The following SPOCK1 variants were observed in gnomAD, a reference collection of about 807,000 sequenced individuals.
SPOCK1 encodes testican-1.
SPOCK1 carries 23 observed loss-of-function variants against 55.3 expected under a neutral mutation model. The observed-to-expected ratio is 0.42, with a 90% CI of 0.30 to 0.59. SPOCK1 has a LOEUF of 0.59. SPOCK1 is among the 20% of genes least tolerant of loss of function. The probability of loss-of-function intolerance (pLI) is 0.22; values close to 1 mark genes in which losing one functional copy is unlikely to be tolerated. For synonymous variants in SPOCK1, 226 were observed against 221.0 expected (o/e 1.02, Z -0.20); for missense variants, 499 against 552.5 (o/e 0.90, Z 0.97).
At chr5:137,409,761 G>C (rs1032314425) in intron 2 of SPOCK1, among the ~76,000 whole-genome samples, 3 of 152,186 alleles carry the variant, frequency 2.0e-5, no homozygotes, top group African/African-American at 7.2e-5. Context: ...CTATGTTTCT[G>C]TTAGGTTAGA....
intron 3 of SPOCK1, among the ~76,000 whole-genome samples, chr5:137,265,345 C>A (rs1347021588): frequency 6.6e-6 from 1 of 152,158 alleles, no homozygotes; most frequent in Non-Finnish European, 1.5e-5. Context: ...AACATTTGAT[C>A]CTTATAGCAC....
At chr5:137,490,728 T>C (rs1434325871) in intron 2 of SPOCK1, among the ~76,000 whole-genome samples, 1 of 152,188 alleles carries the variant, frequency 6.6e-6, no homozygotes. Context: ...CCCCTCCCAG[T>C]TACGTCATGA....
intron 7 of SPOCK1, among the ~76,000 whole-genome samples, chr5:136,991,434 A>G (rs915330280): frequency 1.3e-5 from 2 of 152,162 alleles, no homozygotes; most frequent in Admixed American, 1.3e-4. Context: ...AGCCAAAAAT[A>G]ACTAAAAATT....
At chr5:137,365,413 A>C (rs1335514630) in intron 2 of SPOCK1, 1 of 152,188 alleles carries the variant, frequency 6.6e-6, no homozygotes, top group South Asian at 2.1e-4. Context: ...GGAATTCTAG[A>C]GTCTACTCCA....
At chr5:137,172,130 A>T (rs969762377) in intron 3 of SPOCK1, among the ~76,000 whole-genome samples, 7 of 152,132 alleles carry the variant, frequency 4.6e-5, no homozygotes, top group African/African-American at 1.7e-4. Context: ...TCAACACCCA[A>T]CTCACAACAT....
intron 2 of SPOCK1, among the ~76,000 whole-genome samples, chr5:137,487,802 T>C (rs1433962580): frequency 6.6e-6 from 1 of 152,202 alleles, no homozygotes; most frequent in African/African-American, 2.4e-5. Flanking sequence ...CAAATGTTAT[T>C]CCATTCCAGG....
At chr5:137,273,148 G>A (rs970418366) in intron 2 of SPOCK1, among the ~76,000 whole-genome samples, 25 of 152,140 alleles carry the variant, frequency 1.6e-4, no homozygotes, top group African/African-American at 5.3e-4. Flanking sequence ...AATCATACTT[G>A]TACTGTAACT....
At chr5:137,321,315 T>C (rs181830001) in intron 2 of SPOCK1, among the ~76,000 whole-genome samples, 1 of 151,292 alleles carries the variant, frequency 6.6e-6, no homozygotes, top group African/African-American at 2.4e-5. Context: ...GCAGAAAGCT[T>C]GTATGAAATA....
intron 3 of SPOCK1, among the ~76,000 whole-genome samples, chr5:137,157,961 C>T (rs1265975733): frequency 6.6e-6 from 1 of 152,150 alleles, no homozygotes; most frequent in East Asian, 1.9e-4. Context: ...ACTTGGGAGG[C>T]TGAGGCCGGA....
At chr5:137,420,697 A>G (rs1234661705) in intron 2 of SPOCK1, among the ~76,000 whole-genome samples, 1 of 151,866 alleles carries the variant, frequency 6.6e-6, no homozygotes, top group African/African-American at 2.4e-5. Flanking sequence ...TTTCTTCTTT[A>G]TGAGTCTTGC....
At chr5:137,297,430 G>C (rs1450061213) in intron 2 of SPOCK1, among the ~76,000 whole-genome samples, 2 of 152,176 alleles carry the variant, frequency 1.3e-5, no homozygotes, top group Non-Finnish European at 2.9e-5. Flanking sequence ...CAAAAACACA[G>C]TGGAAGCAAA....
intron 6 of SPOCK1, among the ~76,000 whole-genome samples, chr5:137,057,619 C>T (rs966111909): frequency 1.3e-5 from 2 of 152,176 alleles, no homozygotes; most frequent in Non-Finnish European, 2.9e-5. Context: ...ATTCTTACTA[C>T]ACCTGTTGGA....
chr5:137,068,482 C>T (rs1341848682), intron 5 of SPOCK1, among the ~76,000 whole-genome samples: 1 of 152,174 alleles, frequency 6.6e-6, no homozygotes, highest in African/African-American at 2.4e-5. Context: ...GCCCATAATC[C>T]ACATCCTCTT....
At chr5:137,454,155 C>T (rs1306576432) in intron 2 of SPOCK1, among the ~76,000 whole-genome samples, 1 of 152,128 alleles carries the variant, frequency 6.6e-6, no homozygotes, top group Non-Finnish European at 1.5e-5. Context: ...GAATTGTTGT[C>T]TCTGTTAGTG....
chr5:137,079,542 C>CCCCT, intron 5 of SPOCK1, among the ~76,000 whole-genome samples: 1 of 149,886 alleles, frequency 6.7e-6, no homozygotes, highest in African/African-American at 2.5e-5. Flanking sequence ...TTCCCCCCCC[C>CCCCT]CCCGACTTAG....
intron 2 of SPOCK1, among the ~76,000 whole-genome samples, chr5:137,404,344 T>C (rs1024119954): frequency 9.2e-5 from 14 of 151,990 alleles, no homozygotes; most frequent in African/African-American, 3.1e-4. Context: ...TCCAGATGTA[T>C]GGATTTTTAG....
At chr5:137,250,354 T>A (rs1200683081) in intron 3 of SPOCK1, among the ~76,000 whole-genome samples, 1 of 152,208 alleles carries the variant, frequency 6.6e-6, no homozygotes, top group Non-Finnish European at 1.5e-5. Flanking sequence ...TCCTTTCCTG[T>A]AAGATAGGTA....
intron 6 of SPOCK1, among the ~76,000 whole-genome samples, chr5:137,057,983 CCTG>C (rs1752332408): frequency 6.6e-6 from 1 of 152,044 alleles, no homozygotes; most frequent in Admixed American, 6.6e-5. Context: ...GAGAGCTAAG[CCTG>C]CTTGAGAAAA....
intron 2 of SPOCK1, among the ~76,000 whole-genome samples, chr5:137,289,169 T>G (rs1302186267): frequency 6.6e-6 from 1 of 152,260 alleles, no homozygotes; most frequent in Non-Finnish European, 1.5e-5. Flanking sequence ...AATGAGTTAA[T>G]CCATGTAATG....
Sources: gnomAD v4.1 joint callset for allele counts (sites outside exome capture counted in the v4.1 genomes callset) on GRCh38, gnomAD v4.1.1 for gene constraint, MANE v1.5 for transcripts, NCBI Gene and HGNC (gene_info 2026-07-23, HGNC 2026-07-21) for gene names.